Variants in GRTP1 observed in about 807,000 individuals in gnomAD.
GRTP1 encodes the protein growth hormone-regulated TBC protein 1.
Under a neutral mutation model 38.1 loss-of-function variants are expected in GRTP1, and 56 were observed. That is an observed-to-expected ratio of 1.47 (90% confidence interval 1.19 to 1.84). The LOEUF is 1.84. Among genes scored for constraint, GRTP1 ranks in the 40% most tolerant of loss-of-function variants. The pLI, the probability that GRTP1 is intolerant of heterozygous loss-of-function variation, is 0.00. For synonymous variants in GRTP1, 217 were observed against 189.5 expected (o/e 1.14, Z -1.19); for missense variants, 506 against 453.9 (o/e 1.11, Z -1.04).
intron 2 of GRTP1, among the ~76,000 whole-genome samples, chr13:113,357,670 G>A (rs1026252369): frequency 3.3e-5 from 5 of 152,202 alleles, no homozygotes; most frequent in Non-Finnish European, 5.9e-5. Flanking sequence ...TTCATACTGA[G>A]GTTTGCTGTA....
At chr13:113,329,421 T>C (rs1268255834) in intron 5 of GRTP1, among the ~76,000 whole-genome samples, 1 of 151,894 alleles carries the variant, frequency 6.6e-6, no homozygotes, top group African/African-American at 2.4e-5. Flanking sequence ...CTACTAAAAA[T>C]ACAAAAATTA....
At chr13:113,338,151 G>T (rs1194363177) in intron 5 of GRTP1, among the ~76,000 whole-genome samples, 1 of 152,188 alleles carries the variant, frequency 6.6e-6, no homozygotes, top group East Asian at 1.9e-4. Flanking sequence ...CTCTGAGGAG[G>T]CCCGGGACCC....
At chr13:113,329,348 C>T (rs552056150) in intron 5 of GRTP1, among the ~76,000 whole-genome samples, 11 of 152,244 alleles carry the variant, frequency 7.2e-5, no homozygotes, top group South Asian at 4.2e-4. Flanking sequence ...GAGGCTGAGA[C>T]GGGTAGATCA....
At chr13:113,354,630 G>A (rs1290306718) in intron 3 of GRTP1, among the ~76,000 whole-genome samples, 1 of 151,780 alleles carries the variant, frequency 6.6e-6, no homozygotes, top group East Asian at 1.9e-4. Context: ...CCGGGTTCAA[G>A]CGATTCTCCT....
chr13:113,359,009 T>C (rs1395851862), intron 2 of GRTP1, among the ~76,000 whole-genome samples: 1 of 152,216 alleles, frequency 6.6e-6, no homozygotes, highest in African/African-American at 2.4e-5. Context: ...CTTCTGCTGA[T>C]GAATGGGTTT....
chr13:113,336,552 G>T (rs1206383649), intron 5 of GRTP1, among the ~76,000 whole-genome samples: 1 of 152,050 alleles, frequency 6.6e-6, no homozygotes, highest in Non-Finnish European at 1.5e-5. Context: ...CCGTGGTTGG[G>T]GGCGAGGTGA....
intron 4 of GRTP1, among the ~76,000 whole-genome samples, chr13:113,347,677 A>T (rs12876878): frequency 6.6e-4 from 8 of 12,200 alleles, no homozygotes; most frequent in South Asian, 2.7e-3. Context: ...CCTCTGTGGC[A>T]GAGAGCAGAC....
intron 4 of GRTP1, among the ~76,000 whole-genome samples, chr13:113,346,244 C>T (rs1271753085): frequency 7.4e-6 from 1 of 134,408 alleles, no homozygotes; most frequent in Admixed American, 7.6e-5. Flanking sequence ...CCGGGAGGAC[C>T]TCTGTGGCCG....
intron 2 of GRTP1, among the ~76,000 whole-genome samples, chr13:113,357,200 T>G (rs1169644812): frequency 6.6e-6 from 1 of 152,198 alleles, no homozygotes; most frequent in Non-Finnish European, 1.5e-5. Flanking sequence ...ATCCCAGCAC[T>G]TTGGGAGGCC....
At chr13:113,357,441 CAAAAAA>C (rs368660991) in intron 2 of GRTP1, among the ~76,000 whole-genome samples, 4 of 97,670 alleles carry the variant, frequency 4.1e-5, no homozygotes, top group East Asian at 6.3e-4. Flanking sequence ...GACACTGCCT[CAAAAAA>C]AAAAAAAAAA....
At chr13:113,350,627 G>A (rs1023397045) in intron 4 of GRTP1, among the ~76,000 whole-genome samples, 40 of 152,004 alleles carry the variant, frequency 2.6e-4, no homozygotes, top group South Asian at 1.2e-3. Context: ...TCTGTGTCCC[G>A]TGCTGATTCT....
chr13:113,352,374 ATATT>A (rs1566438144), intron 3 of GRTP1, among the ~76,000 whole-genome samples: 7 of 122,864 alleles, frequency 5.7e-5, no homozygotes, highest in Non-Finnish European at 1.1e-4. Context: ...ATATATATAT[ATATT>A]TATATATATA....
At chr13:113,363,644 C>T in intron 2 of GRTP1, 118 bp downstream of exon 2, 2 of 1,087,878 alleles carry the variant, frequency 1.8e-6, no homozygotes, top group Non-Finnish European at 2.6e-6. Context: ...AGCTTCGTCC[C>T]GACCTGCCCG....
At position 113,338,105 on chromosome 13, in the gene GRTP1, C is replaced by T. The variant is rs77286724; in HGVS notation, c.562+6758G>A. Among the ~76,000 whole-genome samples the T allele has an allele frequency of 2.5e-3, 376 of 152,366 alleles. 3 individuals are homozygous for T. Among genetic ancestry groups the T allele is most frequent in the African/African-American group, 8.6e-3 (358 of 41,602 alleles). On this transcript the variant is annotated intron_variant, in intron 5 of 7. Transcript: ENST00000375431. ...GTCTTCCGAGACAGGGCCCCCTCCA[C>T]CCTCAGTCACGCGGCAGGGCCCGGT...
intron 7 of GRTP1, chr13:113,325,175 CCA>C (rs2042741191): frequency 1.3e-5 from 14 of 1,057,000 alleles, no homozygotes; most frequent in Admixed American, 4.8e-5. Flanking sequence ...GAAATACCGC[CCA>C]CGTTTGCCAT....
intron 4 of GRTP1, among the ~76,000 whole-genome samples, chr13:113,346,007 C>T (rs572753429): frequency 1.1e-5 from 1 of 94,036 alleles, no homozygotes; most frequent in African/African-American, 3.9e-5. Context: ...CCCGAGAGGA[C>T]CTCTGCGGCT....
At chr13:113,354,997 C>T (rs1172877406) in intron 3 of GRTP1, among the ~76,000 whole-genome samples, 1 of 152,196 alleles carries the variant, frequency 6.6e-6, no homozygotes, top group Non-Finnish European at 1.5e-5. Flanking sequence ...GTCCGAAGGC[C>T]GCGTGAACAG....
At chr13:113,324,775 A>G in intron 7 of GRTP1, 198 bp from the exon 8 acceptor site, 1 of 1,337,642 alleles carries the variant, frequency 7.5e-7, no homozygotes, top group South Asian at 2.0e-5. Context: ...TTTGCTGCTC[A>G]GAAATGTTAA....
Position 113,324,194 on chromosome 13 carries a change from A to T in GRTP1, c.*294T>A, listed in dbSNP as rs191323490. 43 of 362,252 alleles carry T rather than the reference A, an allele frequency of 1.2e-4. No homozygotes were observed. Among genetic ancestry groups the T allele is most frequent in the African/African-American group, 8.2e-4 (39 of 47,480 alleles). 22.4% of individuals were successfully genotyped at this position (362,252 alleles called of 1,614,324 possible). A position where few individuals can be genotyped will look rare whatever the true frequency, so the allele number is the denominator to read the frequency against. On this transcript the variant is annotated 3_prime_UTR_variant, in exon 8 of 8. Transcript: ENST00000375431. ...TCCAGTCAGCTGAGAAACTGATCAC[A>T]AACACAGGTGTTGGCATACTTTATT...
Sources: gnomAD v4.1 joint callset for allele counts (sites outside exome capture counted in the v4.1 genomes callset) on GRCh38, gnomAD v4.1.1 for gene constraint, MANE v1.5 for transcripts, NCBI Gene and HGNC (gene_info 2026-07-23, HGNC 2026-07-21) for gene names.